PROX1: variants seen among roughly 807,000 people sequenced by gnomAD.
PROX1 encodes prospero homeobox protein 1.
Under a neutral mutation model 58.8 loss-of-function variants are expected in PROX1, and 7 were observed. The observed-to-expected ratio is 0.12, with a 90% CI of 0.07 to 0.22. The LOEUF (loss-of-function observed/expected upper bound fraction) is 0.22, where lower values mean the gene tolerates loss of function less well. Ranked by LOEUF, PROX1 falls within the 10% of genes least tolerant of loss-of-function variation. The probability of loss-of-function intolerance (pLI) is 1.00; values close to 1 mark genes in which losing one functional copy is unlikely to be tolerated. For synonymous variants in PROX1, 350 were observed against 358.3 expected (o/e 0.98, Z 0.26); for missense variants, 675 against 927.8 (o/e 0.73, Z 3.54).
intron 1 of PROX1, among the ~76,000 whole-genome samples, chr1:213,990,037 A>G (rs1053028404): frequency 1.3e-5 from 2 of 151,316 alleles, no homozygotes; most frequent in African/African-American, 4.9e-5. Context: ...CCTTGAGCTT[A>G]TAAAAACAGA....
intron 4 of PROX1, among the ~76,000 whole-genome samples, chr1:214,016,908 C>T (rs1344370716): frequency 6.6e-6 from 1 of 152,122 alleles, no homozygotes; most frequent in East Asian, 1.9e-4. Context: ...CTCCCTGTGT[C>T]TTTTTTGTCA....
At chr1:214,012,817 A>C (rs1663959637) in intron 4 of PROX1, among the ~76,000 whole-genome samples, 1 of 152,200 alleles carries the variant, frequency 6.6e-6, no homozygotes, top group African/African-American at 2.4e-5. Context: ...CTTCTTGTAG[A>C]TAGGTATCCA....
chr1:214,002,352 C>T (rs907409962), intron 2 of PROX1, among the ~76,000 whole-genome samples: 12 of 151,586 alleles, frequency 7.9e-5, no homozygotes, highest in Non-Finnish European at 1.6e-4. Flanking sequence ...TTTATATTCC[C>T]GAGCAGATGT....
At chr1:214,010,865 T>C (rs79000968) in intron 3 of PROX1, among the ~76,000 whole-genome samples, 1,653 of 152,256 alleles carry the variant, frequency 0.011, 27 homozygotes, top group East Asian at 0.053. Flanking sequence ...TCTTATCCAA[T>C]GCTGGCTTCA....
rs184009407 is a variant in PROX1, at chr1:214,011,836, G to A, written c.2028+121G>A. 3.2e-3 allele frequency: 2,529 copies of A among 779,050 alleles called. 15 individuals carry two copies. The highest frequency in any genetic ancestry group is 3.3e-3 in the Non-Finnish European group (1,693 of 516,850). 48.3% of individuals were successfully genotyped at this position (779,050 alleles called of 1,614,324 possible). Reference sequence around the variant, plus strand: ...TTTCGCATACAAGCATCCCCCAATAGAGTAACAGGTAGAGCTGTGATGAGG... The same window carrying A: ...TTTCGCATACAAGCATCCCCCAATAAAGTAACAGGTAGAGCTGTGATGAGG... On this transcript the variant is annotated intron_variant, in intron 4 of 4. Transcript: ENST00000366958.
rs1347695239 is a variant in PROX1 at position 214,035,980 on chromosome 1, A to G, written c.*146A>G. 1.6e-6 allele frequency: 1 copy of G among 623,278 alleles called. No individual in the cohort carries two copies. Among genetic ancestry groups the G allele is most frequent in the Non-Finnish European group, 2.4e-6 (1 of 409,028 alleles). 38.6% of individuals were successfully genotyped at this position (623,278 alleles called of 1,614,324 possible). ...AATCAGCTGGTAATTCCTCCTCATC[A>G]CGTTTCTCTCATTTTCTTTTGTTTT... On this transcript the variant is annotated 3_prime_UTR_variant, in exon 5 of 5. Coordinates refer to ENST00000366958, the MANE Select transcript of PROX1 (RefSeq NM_001270616.2).
chr1:214,019,299 A>T (rs1038576726), intron 4 of PROX1, among the ~76,000 whole-genome samples: 2 of 151,960 alleles, frequency 1.3e-5, no homozygotes, highest in Non-Finnish European at 2.9e-5. Context: ...TGCAACATTG[A>T]CATCCGTGAT....
At chr1:214,009,052 G>C (rs1005524872) in intron 3 of PROX1, among the ~76,000 whole-genome samples, 1 of 152,148 alleles carries the variant, frequency 6.6e-6, no homozygotes, top group African/African-American at 2.4e-5. Context: ...TGTCATTTTA[G>C]CTTTGAAGAA....
chr1:213,994,610 A>G (rs1190059934), intron 1 of PROX1, among the ~76,000 whole-genome samples: 1 of 151,564 alleles, frequency 6.6e-6, no homozygotes, highest in Non-Finnish European at 1.5e-5. Flanking sequence ...CAATTTTATT[A>G]TTAGTGTTTG....
At chr1:214,006,976 G>A (rs1663737340) in intron 3 of PROX1, among the ~76,000 whole-genome samples, 1 of 152,172 alleles carries the variant, frequency 6.6e-6, no homozygotes, top group Non-Finnish European at 1.5e-5. Flanking sequence ...CCTGGAGGGT[G>A]GGAAACAGCA....
At chr1:213,984,789 C>T (rs340876), upstream of PROX1, 72,362 of 152,994 alleles carry the variant, frequency 0.47, 18,293 homozygotes, top group South Asian at 0.58. Flanking sequence ...TCCTTAGGCA[C>T]CCTTTTCCAA....
intron 2 of PROX1, among the ~76,000 whole-genome samples, chr1:214,000,817 C>T (rs543590459): frequency 6.6e-6 from 1 of 152,254 alleles, no homozygotes; most frequent in Non-Finnish European, 1.5e-5. Flanking sequence ...GCAGTGTGTT[C>T]TTCCCTTGAT....
At chr1:213,984,315 T>C (rs1414727822), upstream of PROX1, 4 of 152,256 alleles carry the variant, frequency 2.6e-5, no homozygotes, top group South Asian at 6.2e-4. Flanking sequence ...TAAAGCAATG[T>C]GGCAGACTCT....
chr1:214,035,624 T>C (rs748894436), intron 4 of PROX1, 25 bp from the exon 5 acceptor site: 2 of 1,586,434 alleles, frequency 1.3e-6, no homozygotes, highest in South Asian at 1.2e-5. Context: ...ACTTTATTAA[T>C]GCCATTGTCT....
chr1:213,998,297 C>A (rs774662972), intron 2 of PROX1, 37 bp downstream of exon 2: 14 of 1,511,468 alleles, frequency 9.3e-6, no homozygotes, highest in Admixed American at 6.7e-5. Context: ...AAAAACAAAC[C>A]AAAAAAGGTT....
chr1:214,012,297 GGA>G (rs1274020014), intron 4 of PROX1, among the ~76,000 whole-genome samples: 3 of 152,060 alleles, frequency 2.0e-5, no homozygotes, highest in Non-Finnish European at 4.4e-5. Flanking sequence ...TCTTTTTGGA[GGA>G]GAGACTCGTG....
upstream of PROX1, chr1:213,985,742 G>A (rs560742615): frequency 3.9e-5 from 6 of 152,412 alleles, no homozygotes; most frequent in African/African-American, 1.4e-4. Flanking sequence ...CAAGCGCTAT[G>A]TGCAATTGAC....
chr1:213,987,875 G>T (rs1662866620), upstream of PROX1: 1 of 151,440 alleles, frequency 6.6e-6, no homozygotes, highest in South Asian at 2.1e-4. Context: ...TCGCGATTGG[G>T]TGCTGGGGCC....
chr1:213,990,842 T>C (rs915313652), intron 1 of PROX1, among the ~76,000 whole-genome samples: 1 of 152,170 alleles, frequency 6.6e-6, no homozygotes, highest in East Asian at 1.9e-4. Context: ...AGAATAGGTA[T>C]GTACATAAAC....
Sources: gnomAD v4.1 joint callset for allele counts (sites outside exome capture counted in the v4.1 genomes callset) on GRCh38, gnomAD v4.1.1 for gene constraint, MANE v1.5 for transcripts, NCBI Gene and HGNC (gene_info 2026-07-23, HGNC 2026-07-21) for gene names.